TAF6L: variants seen among roughly 807,000 people sequenced by gnomAD.
TAF6L encodes the protein TATA-box binding protein associated factor 6 like, also known as TAF6-like RNA polymerase II p300/CBP-associated factor-associated factor 65 kDa subunit 6L.
A neutral mutation model predicts 57.3 loss-of-function variants in TAF6L; 34 were observed. The observed-to-expected ratio is 0.59, with a 90% CI of 0.45 to 0.79. The LOEUF (loss-of-function observed/expected upper bound fraction) is 0.79. Among genes scored for constraint, TAF6L ranks in the 30% least tolerant of loss-of-function variants. The pLI is 0.00. For missense variants in TAF6L, 782 were observed against 853.2 expected (o/e 0.92, Z 1.04); for synonymous variants, 417 against 376.3 (o/e 1.11, Z -1.25).
At chr11:62,779,315 C>A (rs1590934706) in intron 6 of TAF6L, among the ~76,000 whole-genome samples, 1 of 152,080 alleles carries the variant, frequency 6.6e-6, no homozygotes, top group Non-Finnish European at 1.5e-5. Flanking sequence ...CTGCCTTAGC[C>A]TCCCGAGTAG....
chr11:62,781,662 CAAA>C, intron 6 of TAF6L: 9 of 314,074 alleles, frequency 2.9e-5, no homozygotes, highest in Admixed American at 9.9e-5. Flanking sequence ...GACTCGGTCT[CAAA>C]AAAAAAAAAA....
At chr11:62,782,035 T>G in intron 7 of TAF6L, 67 bp downstream of exon 7, 2 of 1,597,634 alleles carry the variant, frequency 1.3e-6, no homozygotes, top group Non-Finnish European at 1.7e-6. Context: ...GGTGTAGGGC[T>G]CATGGCAAGT....
At position 62,787,257 on chromosome 11, in the gene TAF6L, G is replaced by T. The variant is rs2084292272; in HGVS notation, c.1830G>T (p.Arg610=). ...GCCGTACCAGCCGCCCCGCCCGCCG[G>T]TGGGCGCTCTCGGACTACTCGCTGT... ...MIGRTSRPAR[R]WALSDYSLYL... Residue 610 remains arginine (R), a synonymous_variant, in exon 11 of 11, where the codon CGG becomes CGT. Transcript: ENST00000294168. 1.9e-6 allele frequency: 3 copies of T among 1,566,926 alleles called. No individual in the cohort carries two copies. Among genetic ancestry groups the T allele is most frequent in the East Asian group, 2.3e-5 (1 of 42,868 alleles).
chr11:62,777,850 T>G, intron 3 of TAF6L, 128 bp from the exon 4 acceptor site: 1 of 1,175,272 alleles, frequency 8.5e-7, no homozygotes. Flanking sequence ...CTTCCACCAC[T>G]TTTCTTGGGA....
chr11:62,778,551 C>G (rs150081391), intron 5 of TAF6L: 2 of 640,848 alleles, frequency 3.1e-6, no homozygotes, highest in Admixed American at 5.3e-5. Flanking sequence ...ATGTTGGATG[C>G]TAAGACAGAA....
chr11:62,786,673 G>C lies in TAF6L; in HGVS notation c.1246G>C (p.Gly416Arg). 6.2e-7 allele frequency: 1 copy of C among 1,611,832 alleles called. No individual in the cohort carries two copies. Residue 416 changes from glycine (G) to arginine (R), a missense_variant, in exon 11 of 11, where the codon GGG becomes CGG. This residue lies in a region of TAF6L where 483 missense variants were observed against 445.1 expected (regional missense o/e 1.09). Coordinates refer to ENST00000294168, the MANE Select transcript of TAF6L (RefSeq NM_006473.4). ...CGGGGGCGGTGCAGAACCCAGCTTT[G>C]GGTCCGGCCTCCCGCTGCCGCCAGG... Reference protein sequence around the residue: ...SSGGGAEPSFGSGLPLPPGGA... With the variant: ...SSGGGAEPSFRSGLPLPPGGA...
At chr11:62,781,666 A>AAAT in intron 6 of TAF6L, 1 of 448,860 alleles carries the variant, frequency 2.2e-6, no homozygotes, top group Non-Finnish European at 4.0e-6. Flanking sequence ...CGGTCTCAAA[A>AAAT]AAAAAAAAAA....
intron 1 of TAF6L, chr11:62,772,111 C>T (rs1168235758): frequency 4.4e-6 from 2 of 456,094 alleles, no homozygotes; most frequent in Non-Finnish European, 8.8e-6. Flanking sequence ...AACATTTAGC[C>T]TCTGAGGTTT....
Position 62,787,301 on chromosome 11 carries a change from G to C in TAF6L, c.*5G>C. On this transcript the variant is annotated 3_prime_UTR_variant, in exon 11 of 11. Coordinates refer to ENST00000294168, the MANE Select transcript of TAF6L (RefSeq NM_006473.4). ...TCGCTGTACTTGCCGCTCTGAGTCA[G>C]TGGCCCCTTCGTTCCTTGTAAATAA... The C allele has an allele frequency of 6.5e-7, 1 of 1,535,560 alleles. No individual in the cohort carries two copies. Among genetic ancestry groups the C allele is most frequent in the South Asian group, 1.2e-5 (1 of 83,108 alleles).
chr11:62,782,603 G>A, intron 8 of TAF6L, 90 bp from the exon 9 acceptor site: 1 of 1,557,326 alleles, frequency 6.4e-7, no homozygotes, highest in Non-Finnish European at 8.7e-7. Flanking sequence ...CGAGTGTGCT[G>A]TACAGATGCT....
At position 62,776,429 on chromosome 11, in the gene TAF6L, G is replaced by A. The variant is rs749726160; in HGVS notation, c.193G>A (p.Val65Ile). 6.2e-7 allele frequency: 1 copy of A among 1,613,736 alleles called. No homozygotes were observed. Among genetic ancestry groups the A allele is most frequent in the Admixed American group, 1.7e-5 (1 of 59,976 alleles). ...MKHTKRRKLT[V>I]EDFNRALRWS... ...GCACACCAAACGCCGGAAGCTGACG[G>A]TTGAGGACTTCAACAGGGCCCTCAG... is the stretch of plus-strand genomic sequence containing the variant. The change falls in exon 3 of 11, where the codon GTT becomes ATT. Residue 65 changes from valine to isoleucine, a missense_variant. Val to Ile is a conservative substitution (Grantham distance 29). Transcript: ENST00000294168.
At chr11:62,774,712 G>C (rs1449620480) in intron 1 of TAF6L, 1 of 453,548 alleles carries the variant, frequency 2.2e-6, no homozygotes, top group East Asian at 7.0e-5. Context: ...AGCCAAACTG[G>C]GGAAGACCAA....
chr11:62,782,343 G>C lies in TAF6L; in HGVS notation c.827+10G>C. Reference sequence around the variant, plus strand: ...TCAGCCACATCTTCTGGTAGCCACTGGGCCTAAACCTGCGGGTGGGATTGC... The same window carrying C: ...TCAGCCACATCTTCTGGTAGCCACTCGGCCTAAACCTGCGGGTGGGATTGC... On this transcript the variant is annotated intron_variant, in intron 8 of 10. Coordinates refer to ENST00000294168, the MANE Select transcript of TAF6L (RefSeq NM_006473.4). 1.2e-6 allele frequency: 2 copies of C among 1,612,352 alleles called. No homozygotes were observed. The highest frequency in any genetic ancestry group is 1.7e-6 in the Non-Finnish European group (2 of 1,179,750).
chr11:62,779,186 A>G (rs974026397), intron 6 of TAF6L, among the ~76,000 whole-genome samples: 1 of 150,570 alleles, frequency 6.6e-6, no homozygotes, highest in African/African-American at 2.4e-5. Context: ...ATGCCCGGCT[A>G]ATTTTGTTTT....
chr11:62,777,146 C>CAA (rs1236455874), intron 3 of TAF6L, among the ~76,000 whole-genome samples: 2 of 134,714 alleles, frequency 1.5e-5, no homozygotes, highest in African/African-American at 5.5e-5. Flanking sequence ...GACTCCATGT[C>CAA]AAAAAAAAAA....
At chr11:62,779,952 C>CCATATATATATATATATA (rs1332185092) in intron 6 of TAF6L, among the ~76,000 whole-genome samples, 2 of 100,064 alleles carry the variant, frequency 2.0e-5, no homozygotes, top group African/African-American at 8.9e-5. Context: ...AGGCGTGAGC[C>CCATATATATATATATATA]TATATATATA....
chr11:62,784,847 A>C (rs1214412053), intron 9 of TAF6L, among the ~76,000 whole-genome samples: 1 of 152,304 alleles, frequency 6.6e-6, no homozygotes, highest in South Asian at 2.1e-4. Flanking sequence ...GGTCTGCTAA[A>C]TTTTAAAAGG....
rs1418708505 is a variant in TAF6L, at chr11:62,787,051, G to A, written c.1624G>A (p.Gly542Ser). The A allele has an allele frequency of 2.6e-6, 4 of 1,522,044 alleles. No homozygotes were observed. In the South Asian group the frequency reaches 3.6e-5, roughly 14 times the overall value. 94.3% of individuals were successfully genotyped at this position (1,522,044 alleles called of 1,614,324 possible). A position where few individuals can be genotyped will look rare whatever the true frequency, so the allele number is the denominator to read the frequency against. Residue 542 changes from glycine (G) to serine (S), a missense_variant, in exon 11 of 11, where the codon GGC becomes AGC. Gly to Ser is a moderately conservative substitution (Grantham distance 56). Coordinates refer to ENST00000294168, the MANE Select transcript of TAF6L (RefSeq NM_006473.4). ...GAPRQQGPGT[G>S]TRDVFQKSRF... ...ACCCCGGCAGCAGGGCCCCGGGACC[G>A]GCACCCGCGACGTTTTCCAGAAGAG...
At chr11:62,783,325 A>G (rs2084244268) in intron 9 of TAF6L, among the ~76,000 whole-genome samples, 1 of 152,086 alleles carries the variant, frequency 6.6e-6, no homozygotes, top group African/African-American at 2.4e-5. Context: ...TACTAAAAAT[A>G]CAAACAATTA....
Sources: allele counts gnomAD v4.1 joint callset (sites outside exome capture counted in the v4.1 genomes callset), GRCh38; gene constraint gnomAD v4.1.1; regional missense constraint gnomAD v4.1.1; transcripts MANE v1.5; gene names NCBI Gene and HGNC (gene_info 2026-07-23, HGNC 2026-07-21).